Variants in L3MBTL2 observed in about 807,000 individuals in gnomAD.
L3MBTL2 encodes lethal(3)malignant brain tumor-like protein 2.
In L3MBTL2, 49 loss-of-function variants were observed where a neutral mutation model predicts 86.4. That is an observed-to-expected ratio of 0.57 (90% confidence interval 0.45 to 0.72). The LOEUF is 0.72. Ranked by LOEUF, L3MBTL2 falls within the 30% of genes least tolerant of loss-of-function variation. The probability of loss-of-function intolerance (pLI) is 0.00; values close to 1 mark genes in which losing one functional copy is unlikely to be tolerated. For missense variants in L3MBTL2, 755 were observed against 923.7 expected (o/e 0.82, Z 2.37); for synonymous variants, 336 against 350.6 (o/e 0.96, Z 0.47).
At chr22:41,207,939 C>G (rs892844055) in intron 1 of L3MBTL2, among the ~76,000 whole-genome samples, 2 of 151,926 alleles carry the variant, frequency 1.3e-5, no homozygotes, top group African/African-American at 4.8e-5. Context: ...TCAAGTGATT[C>G]TCCTGCCTCA....
At chr22:41,226,226 G>A (rs1032068921) in intron 12 of L3MBTL2, among the ~76,000 whole-genome samples, 3 of 151,856 alleles carry the variant, frequency 2.0e-5, no homozygotes, top group African/African-American at 7.3e-5. Context: ...ACAGTGAGCC[G>A]AGATCATGCC....
At chr22:41,205,436 T>C (rs1300912119) in intron 1 of L3MBTL2, 50 bp downstream of exon 1, 6 of 1,608,518 alleles carry the variant, frequency 3.7e-6, no homozygotes, top group Non-Finnish European at 4.3e-6. Context: ...TCCGAGAGCC[T>C]CGCTCCGTGG....
intron 1 of L3MBTL2, chr22:41,208,236 G>T (rs1259219006): frequency 1.0e-5 from 4 of 390,108 alleles, no homozygotes; most frequent in Admixed American, 6.0e-5. Flanking sequence ...GGCTCAAGCA[G>T]TCCTTCCACC....
intron 1 of L3MBTL2, among the ~76,000 whole-genome samples, chr22:41,207,686 C>T (rs999289771): frequency 6.6e-6 from 1 of 150,766 alleles, no homozygotes; most frequent in Non-Finnish European, 1.5e-5. Flanking sequence ...CCTTTTTTTT[C>T]CTTTGAGACA....
intron 8 of L3MBTL2, 56 bp from the exon 9 acceptor site, chr22:41,223,964 G>C: frequency 7.3e-7 from 1 of 1,364,162 alleles, no homozygotes; most frequent in South Asian, 1.2e-5. Flanking sequence ...CAGAGCAGGA[G>C]GGTGGGTGGG....
Position 41,227,889 on chromosome 22 carries a change from A to C in L3MBTL2, c.1888+20A>C. 6.2e-7 allele frequency: 1 copy of C among 1,610,116 alleles called. No homozygotes were observed. Among genetic ancestry groups the C allele is most frequent in the Non-Finnish European group, 8.5e-7 (1 of 1,178,030 alleles). ...AGAAAAGTAAGTGCTGCACCGGTGC[A>C]GCCAGGCTGGTGTGGGCCTGGGAGC... On this transcript the variant is annotated intron_variant, in intron 15 of 16. Coordinates refer to ENST00000216237, the MANE Select transcript of L3MBTL2 (RefSeq NM_031488.5). This position sits in a 1 kb window ranked among gnomAD's most constrained non-coding sequence, Gnocchi z 6.0.
At chr22:41,219,579 G>C (rs775404531) in intron 6 of L3MBTL2, 43 bp downstream of exon 6, 2 of 1,288,510 alleles carry the variant, frequency 1.6e-6, no homozygotes, top group South Asian at 1.2e-5. Context: ...TGTCTGCAGA[G>C]TGACATCTCT....
chr22:41,220,026 C>T (rs949069353), intron 6 of L3MBTL2, among the ~76,000 whole-genome samples: 1 of 152,104 alleles, frequency 6.6e-6, no homozygotes, highest in Admixed American at 6.5e-5. Context: ...CGTGAGCCAC[C>T]GTGCCTGGCT....
In L3MBTL2 at chr22:41,225,751, A is replaced by G; in HGVS notation, c.1357-43A>G. ...GCGGTACCAACCCAGGATGGGGTGC[A>G]GTTCATGATATGATCTGTCTGCCTG... On this transcript the variant is annotated intron_variant, in intron 11 of 16. Transcript: ENST00000216237. The surrounding 1 kb of genome is among the most constrained non-coding windows in gnomAD (Gnocchi z 4.1). 6.3e-7 allele frequency: 1 copy of G among 1,578,750 alleles called. No homozygotes were observed. Among genetic ancestry groups the G allele is most frequent in the Non-Finnish European group, 8.7e-7 (1 of 1,154,984 alleles).
At chr22:41,219,392 T>A (rs1016219328) in intron 5 of L3MBTL2, 27 bp from the exon 6 acceptor site, 15 of 1,548,514 alleles carry the variant, frequency 9.7e-6, no homozygotes, top group East Asian at 4.5e-5. Flanking sequence ...TAGCTCACTC[T>A]CTCGGTACAC....
intron 12 of L3MBTL2, 74 bp downstream of exon 12, chr22:41,226,015 G>A (rs559099947): frequency 9.8e-6 from 15 of 1,527,852 alleles, no homozygotes; most frequent in South Asian, 4.7e-5. Context: ...GGTGGCTCCC[G>A]CCTGTAATCC....
At position 41,227,290 on chromosome 22, in the gene L3MBTL2, A is replaced by T. The variant is rs1271344228; in HGVS notation, c.1789A>T (p.Thr597Ser). The change falls in exon 14 of 17, where the codon ACC becomes TCC. Residue 597 changes from threonine (T) to serine (S), a missense_variant. Coordinates refer to ENST00000216237, the MANE Select transcript of L3MBTL2 (RefSeq NM_031488.5). This position sits in a 1 kb window ranked among gnomAD's most constrained non-coding sequence, Gnocchi z 6.0. ...DIYPVGWCEL[T>S]GYQLQPPVAA... ...CTACCCCGTCGGCTGGTGTGAGCTC[A>T]CCGGCTACCAGCTCCAGCCTCCTGT... 6.2e-6 allele frequency: 10 copies of T among 1,608,916 alleles called. No individual in the cohort carries two copies. Among genetic ancestry groups the T allele is most frequent in the Non-Finnish European group, 7.6e-6 (9 of 1,178,114 alleles).
In L3MBTL2 at chr22:41,230,439, C is replaced by A; in HGVS notation, c.*188C>A. 1 of 592,376 alleles carries A rather than the reference C, an allele frequency of 1.7e-6. No homozygotes were observed. Among genetic ancestry groups the A allele is most frequent in the Non-Finnish European group, 3.0e-6 (1 of 333,666 alleles). 36.7% of individuals were successfully genotyped at this position (592,376 alleles called of 1,614,324 possible). On this transcript the variant is annotated 3_prime_UTR_variant, in exon 17 of 17. Transcript: ENST00000216237. ...CTGGGACCCGCCTGTTGCTTCTGCC[C>A]TCCCCTGTGGAAAGGTCTATATGAC...
chr22:41,219,594 G>C, intron 6 of L3MBTL2, 58 bp downstream of exon 6: 2 of 1,129,270 alleles, frequency 1.8e-6, no homozygotes, highest in Non-Finnish European at 2.7e-6. Flanking sequence ...ATCTCTAGAT[G>C]GGTGAACAGT....
chr22:41,207,854 A>T (rs962765299), intron 1 of L3MBTL2, among the ~76,000 whole-genome samples: 14 of 148,874 alleles, frequency 9.4e-5, no homozygotes, highest in Non-Finnish European at 1.9e-4. Context: ...TTTTTTGAGA[A>T]GGAGTCTCAC....
Position 41,225,655 on chromosome 22 carries a change from C to T in L3MBTL2, c.1357-139C>T. 5 of 799,062 alleles carry T rather than the reference C, an allele frequency of 6.3e-6. No homozygotes were observed. In the Admixed American group the frequency reaches 1.1e-4, roughly 18 times the overall value. 49.5% of individuals were successfully genotyped at this position (799,062 alleles called of 1,614,324 possible). A position where few individuals can be genotyped will look rare whatever the true frequency, so the allele number is the denominator to read the frequency against. ...AGAAGTACTGTGTGCCCCAGAGAGG[C>T]TCAGGTGTCCTCCAGGAGGGCCATG... is the stretch of plus-strand genomic sequence containing the variant. On this transcript the variant is annotated intron_variant, in intron 11 of 16. Transcript: ENST00000216237. This position sits in a 1 kb window ranked among gnomAD's most constrained non-coding sequence, Gnocchi z 4.1.
chr22:41,229,473 A>G, intron 15 of L3MBTL2, 67 bp from the exon 16 acceptor site: 1 of 1,548,906 alleles, frequency 6.5e-7, no homozygotes, highest in Non-Finnish European at 8.8e-7. Flanking sequence ...ACTGGGTGAG[A>G]CCTATCCCAT....
At chr22:41,218,926 C>A (rs1299188865) in intron 5 of L3MBTL2, 1 of 154,710 alleles carries the variant, frequency 6.5e-6, no homozygotes, top group East Asian at 1.9e-4. Flanking sequence ...ATGCCTGGCC[C>A]CCTGGAGCAT....
intron 7 of L3MBTL2, 139 bp from the exon 8 acceptor site, chr22:41,221,060 T>C: frequency 1.1e-6 from 1 of 949,344 alleles, no homozygotes. Context: ...TGTTCTCAGA[T>C]GAAGTCATTG....
Sources: allele counts gnomAD v4.1 joint callset (sites outside exome capture counted in the v4.1 genomes callset), GRCh38; gene constraint gnomAD v4.1.1; non-coding constraint Gnocchi (gnomAD v3.1); transcripts MANE v1.5; gene names NCBI Gene and HGNC (gene_info 2026-07-23, HGNC 2026-07-21).